DYNC2H1: variants seen among roughly 807,000 people sequenced by gnomAD.
DYNC2H1 encodes cytoplasmic dynein 2 heavy chain 1.
DYNC2H1 carries 410 observed loss-of-function variants against 570.0 expected under a neutral mutation model. That is an observed-to-expected ratio of 0.72 (90% CI 0.66 to 0.78). The LOEUF (loss-of-function observed/expected upper bound fraction) is 0.78. DYNC2H1 is among the 30% of genes least tolerant of loss of function. DYNC2H1 has a pLI of 0.00. For synonymous variants in DYNC2H1, 1,688 were observed against 1,677.6 expected, an observed-to-expected ratio of 1.01 and a Z score of -0.15; for missense variants, 4,865 against 5,046.4, an observed-to-expected ratio of 0.96 and a Z score of 1.09.
chr11:103,320,542 G>T (rs1938124858), intron 80 of DYNC2H1, among the ~76,000 whole-genome samples: 1 of 152,192 alleles, frequency 6.6e-6, no homozygotes, highest in African/African-American at 2.4e-5. Flanking sequence ...GTGTTTCATA[G>T]AGTTTCCCTG....
chr11:103,410,770 G>A (rs530806422), intron 84 of DYNC2H1, among the ~76,000 whole-genome samples: 28 of 152,068 alleles, frequency 1.8e-4, no homozygotes, highest in Admixed American at 1.6e-3. Flanking sequence ...CACTCTTTAC[G>A]CTGAGTTCTA....
intron 84 of DYNC2H1, chr11:103,403,429 C>T (rs926060247): frequency 6.6e-5 from 10 of 152,026 alleles, no homozygotes; most frequent in African/African-American, 2.4e-4. Flanking sequence ...GCATTCACTG[C>T]AGAGAGGTGT....
intron 83 of DYNC2H1, among the ~76,000 whole-genome samples, chr11:103,362,017 T>G (rs1940666120): frequency 6.6e-6 from 1 of 151,692 alleles, no homozygotes; most frequent in East Asian, 1.9e-4. Flanking sequence ...TGACTAGAGA[T>G]AGGAGATGAG....
At chr11:103,351,973 T>A (rs986717069) in intron 82 of DYNC2H1, among the ~76,000 whole-genome samples, 11 of 152,168 alleles carry the variant, frequency 7.2e-5, no homozygotes, top group Non-Finnish European at 1.5e-4. Context: ...GAGATTGTTT[T>A]ATTAATTTAC....
rs1862637057 is a variant in DYNC2H1, at chr11:103,199,613, A to G, written c.8088+137A>G. 1 of 778,596 alleles carries G rather than the reference A, an allele frequency of 1.3e-6. No homozygotes were observed. Among genetic ancestry groups the G allele is most frequent in the Admixed American group, 3.7e-5 (1 of 27,292 alleles). The allele number at this position is 778,596 out of a possible 1,614,324, so 48.2% of individuals were successfully genotyped here. On this transcript the variant is annotated intron_variant, in intron 49 of 88. Transcript: ENST00000375735. This position sits in a 1 kb window ranked among gnomAD's most constrained non-coding sequence, Gnocchi z 4.6. ...TTAAAGAACTAAAGTTCTCTGTTAT[A>G]CAATGTAGTCTTTATTTTAATTTAG...
chr11:103,141,279 A>G (rs772635356), intron 17 of DYNC2H1, among the ~76,000 whole-genome samples: 1 of 151,792 alleles, frequency 6.6e-6, no homozygotes, highest in Non-Finnish European at 1.5e-5. Context: ...GAGGAGTGGC[A>G]CTCTGCTTTT....
intron 2 of DYNC2H1, 104 bp downstream of exon 2, chr11:103,113,811 A>G: frequency 1.0e-6 from 1 of 956,082 alleles, no homozygotes; most frequent in East Asian, 3.1e-5. Flanking sequence ...TAGTGTTTTA[A>G]TTTTAATTAA....
Position 103,109,446 on chromosome 11 carries a change from C to T in DYNC2H1, c.-129C>T. On this transcript the variant is annotated 5_prime_UTR_variant, in exon 1 of 89. Transcript: ENST00000375735. ...TCGCCATAGCGACTACCCCTGGCAA[C>T]CGCGAAGCTCTGCGGTCCCGCGGTC... 1 of 927,568 alleles carries T rather than the reference C, an allele frequency of 1.1e-6. No homozygotes were observed. The highest frequency in any genetic ancestry group is 1.6e-6 in the Non-Finnish European group (1 of 642,090). The allele number at this position is 927,568 out of a possible 1,614,324, so 57.5% of individuals were successfully genotyped here.
chr11:103,308,280 T>C (rs7107320), intron 78 of DYNC2H1, among the ~76,000 whole-genome samples: 26,302 of 152,202 alleles, frequency 0.17, 2,463 homozygotes, highest in Admixed American at 0.26. Flanking sequence ...ATCTTTTTGT[T>C]ATTTCACTTA....
chr11:103,429,462 A>T (rs1261141809), intron 84 of DYNC2H1, among the ~76,000 whole-genome samples: 1 of 29,670 alleles, frequency 3.4e-5, no homozygotes, highest in East Asian at 2.5e-3. Flanking sequence ...TGTACTGATA[A>T]AAAAAAAAAT....
chr11:103,183,661 T>C (rs1861943748), intron 40 of DYNC2H1, among the ~76,000 whole-genome samples: 1 of 151,868 alleles, frequency 6.6e-6, no homozygotes, highest in Admixed American at 6.6e-5. Context: ...GGATAAATCT[T>C]TGCTTTCTTG....
At chr11:103,463,424 C>T (rs1386676660) in intron 87 of DYNC2H1, among the ~76,000 whole-genome samples, 1 of 152,160 alleles carries the variant, frequency 6.6e-6, no homozygotes, top group Non-Finnish European at 1.5e-5. Context: ...TGAGGTTAGG[C>T]TCTCCATCTC....
intron 17 of DYNC2H1, among the ~76,000 whole-genome samples, chr11:103,138,728 A>G (rs1009039628): frequency 6.6e-6 from 1 of 152,198 alleles, no homozygotes; most frequent in Non-Finnish European, 1.5e-5. Flanking sequence ...CTGGCCTCAT[A>G]AAATGAGTTA....
chr11:103,229,079 C>T (rs1863904909), intron 59 of DYNC2H1, among the ~76,000 whole-genome samples: 1 of 152,158 alleles, frequency 6.6e-6, no homozygotes, highest in Non-Finnish European at 1.5e-5. Context: ...AGGCTGGTCT[C>T]ACTCCCACCA....
intron 87 of DYNC2H1, among the ~76,000 whole-genome samples, chr11:103,463,984 G>A (rs1401806319): frequency 6.6e-6 from 1 of 152,136 alleles, no homozygotes; most frequent in Non-Finnish European, 1.5e-5. Flanking sequence ...GGACAGTACA[G>A]AGGTCTATGG....
In DYNC2H1 at chr11:103,165,845, A is replaced by G. The variant is rs183200281; in HGVS notation, c.4612-53A>G. 87 of 1,366,812 alleles carry G rather than the reference A, an allele frequency of 6.4e-5. No homozygotes were observed. In the East Asian group the frequency reaches 2.4e-3, roughly 38 times the overall value. The allele number at this position is 1,366,812 out of a possible 1,614,324, so 84.7% of individuals were successfully genotyped here. On this transcript the variant is annotated intron_variant, in intron 30 of 88. Transcript: ENST00000375735. ...AGGTGCCTTTCTTTAAATTTATAAA[A>G]TATTTCTAAGTAAATTCACCTTTTA...
At position 103,170,000 on chromosome 11, in the gene DYNC2H1, A is replaced by G. The variant is rs1371699588; in HGVS notation, c.4969-108A>G. On this transcript the variant is annotated intron_variant, in intron 32 of 88. Coordinates refer to ENST00000375735, the MANE Select transcript of DYNC2H1 (RefSeq NM_001377.3). ...ATATTTTTCTGTGTTAAAAACTTTA[A>G]CCTGTTTGTTGCATTTTTATCTTTT... The G allele has an allele frequency of 2.1e-5, 23 of 1,076,572 alleles. 1 individual carries two copies. Among genetic ancestry groups the G allele is most frequent in the Non-Finnish European group, 2.8e-5 (22 of 795,306 alleles). 66.7% of individuals were successfully genotyped at this position (1,076,572 alleles called of 1,614,324 possible). A position where few individuals can be genotyped will look rare whatever the true frequency, so the allele number is the denominator to read the frequency against.
Position 103,215,823 on chromosome 11 carries a change from G to C in DYNC2H1, c.8797G>C (p.Asp2933His). The change falls in exon 55 of 89, where the codon GAT (aspartate) becomes CAT (histidine). Residue 2933 changes from aspartate to histidine, a missense_variant. Transcript: ENST00000375735. ...VLLKTKQDEA[D>H]AALQMITVSM... Reference sequence around the variant, plus strand: ...ACTTAAAACGAAGCAAGATGAAGCAGATGCTGCCCTTCAAATGATCACAGT... The same window carrying C: ...ACTTAAAACGAAGCAAGATGAAGCACATGCTGCCCTTCAAATGATCACAGT... The C allele has an allele frequency of 1.2e-6, 2 of 1,612,740 alleles. No individual in the cohort carries two copies. Among genetic ancestry groups the C allele is most frequent in the Non-Finnish European group, 1.7e-6 (2 of 1,179,270 alleles).
intron 78 of DYNC2H1, among the ~76,000 whole-genome samples, chr11:103,308,897 G>C (rs1463507649): frequency 2.0e-5 from 3 of 151,906 alleles, no homozygotes; most frequent in Non-Finnish European, 4.4e-5. Context: ...TAATTGCTTA[G>C]TATCTTATCA....
Sources: gnomAD v4.1 joint callset for allele counts (sites outside exome capture counted in the v4.1 genomes callset) on GRCh38, gnomAD v4.1.1 for gene constraint, Gnocchi (gnomAD v3.1) non-coding constraint, MANE v1.5 for transcripts, NCBI Gene and HGNC (gene_info 2026-07-23, HGNC 2026-07-21) for gene names.